PKNOX1: variants seen among roughly 807,000 people sequenced by gnomAD.
The protein encoded by PKNOX1 is PBX/knotted 1 homeobox 1, also known as homeobox protein PKNOX1.
In PKNOX1, 15 loss-of-function variants were observed where a neutral mutation model predicts 51.9. The observed-to-expected ratio is 0.29, with a 90% CI of 0.19 to 0.45. The LOEUF is 0.45. Among genes scored for constraint, PKNOX1 ranks in the 20% least tolerant of loss-of-function variants. The pLI, the probability that PKNOX1 is intolerant of heterozygous loss-of-function variation, is 1.00. For synonymous variants in PKNOX1, 219 were observed against 211.1 expected, an observed-to-expected ratio of 1.04 and a Z score of -0.32; for missense variants, 462 against 547.5, an observed-to-expected ratio of 0.84 and a Z score of 1.56.
intron 5 of PKNOX1, 88 bp from the exon 6 acceptor site, chr21:43,016,820 G>A: frequency 3.9e-6 from 3 of 759,856 alleles, no homozygotes; most frequent in Non-Finnish European, 6.3e-6. Flanking sequence ...CTTTTTTAAT[G>A]GTGTCATTAT....
chr21:43,022,890 A>G (rs1340259142), intron 8 of PKNOX1, among the ~76,000 whole-genome samples: 3 of 152,172 alleles, frequency 2.0e-5, no homozygotes, highest in Non-Finnish European at 1.5e-5. Context: ...ATTTACACAC[A>G]TTGCGATTAT....
At chr21:43,023,138 C>G (rs1979836028) in intron 8 of PKNOX1, among the ~76,000 whole-genome samples, 1 of 151,964 alleles carries the variant, frequency 6.6e-6, no homozygotes. Flanking sequence ...TCTGGGGCAG[C>G]ATCTCTGGCT....
At chr21:43,018,073 A>C in intron 6 of PKNOX1, 60 bp from the exon 7 acceptor site, 1 of 813,632 alleles carries the variant, frequency 1.2e-6, no homozygotes, top group Non-Finnish European at 2.0e-6. Context: ...AAAAAAAAGA[A>C]GAATGGTTTA....
At chr21:43,007,443 C>T (rs1568897079) in intron 2 of PKNOX1, 48 bp from the exon 3 acceptor site, 8 of 1,588,950 alleles carry the variant, frequency 5.0e-6, no homozygotes, top group East Asian at 4.5e-5. Flanking sequence ...TGGAATACCT[C>T]GTAGTAGTTT....
intron 1 of PKNOX1, among the ~76,000 whole-genome samples, chr21:42,992,008 C>T (rs974776410): frequency 3.3e-5 from 5 of 152,222 alleles, no homozygotes; most frequent in African/African-American, 1.2e-4. Flanking sequence ...AAATAAGCCA[C>T]AGGACATCAC....
chr21:43,027,903 G>A (rs892234403), intron 9 of PKNOX1, among the ~76,000 whole-genome samples: 53 of 150,772 alleles, frequency 3.5e-4, no homozygotes, highest in African/African-American at 1.3e-3. Context: ...GCGACAGGGC[G>A]AGACTCCATC....
At chr21:43,018,300 C>G (rs1006805581) in intron 7 of PKNOX1, 70 bp downstream of exon 7, 4 of 928,878 alleles carry the variant, frequency 4.3e-6, no homozygotes, top group Non-Finnish European at 3.5e-6. Context: ...GTAGAACAAG[C>G]ATGAGCCCTT....
Position 43,030,022 on chromosome 21 carries a change from G to A in PKNOX1, c.1232G>A (p.Ser411Asn). The A allele has an allele frequency of 6.2e-7, 1 of 1,614,002 alleles. No individual in the cohort carries two copies. The highest frequency in any genetic ancestry group is 1.1e-5 in the South Asian group (1 of 91,086). The change falls in exon 11 of 11, where the codon AGC (serine) becomes AAC (asparagine). Residue 411 changes from serine to asparagine, a missense_variant. Around this residue, in one of 5 missense-constraint regions of PKNOX1, gnomAD observed 118 missense variants for 116.8 expected, o/e 1.01. Coordinates refer to ENST00000291547, the MANE Select transcript of PKNOX1 (RefSeq NM_004571.5). Reference protein sequence around the residue: ...AGQSEDESVDSTEEDAGALAP... With the variant: ...AGQSEDESVDNTEEDAGALAP... ...CAGAGCGAGGACGAGTCTGTGGACA[G>A]CACAGAGGAGGATGCGGGTGCCCTG...
rs192230818 is a variant in PKNOX1 at position 43,003,255 on chromosome 21, C to T, written c.-56-1071C>T. Among the ~76,000 whole-genome samples, 806 of 152,318 alleles carry T rather than the reference C, an allele frequency of 5.3e-3. 5 individuals carry two copies. Among genetic ancestry groups the T allele is most frequent in the African/African-American group, 0.018 (759 of 41,578 alleles). On this transcript the variant is annotated intron_variant, in intron 1 of 10. Transcript: ENST00000291547. ...TGCACCAGCAGCAGCAAGGCCATGCCGGCCGTGGTCCAGCCCGGCTGCTCT... is the reference window on the plus strand; with the variant it reads ...TGCACCAGCAGCAGCAAGGCCATGCTGGCCGTGGTCCAGCCCGGCTGCTCT...
At chr21:42,998,171 G>T (rs1468332987) in intron 1 of PKNOX1, among the ~76,000 whole-genome samples, 1 of 152,212 alleles carries the variant, frequency 6.6e-6, no homozygotes, top group East Asian at 1.9e-4. Context: ...ACAAGGAAGA[G>T]CAAGTCATGT....
Position 43,030,342 on chromosome 21 carries a change from C to T in PKNOX1, c.*241C>T, listed in dbSNP as rs191844776. On this transcript the variant is annotated 3_prime_UTR_variant, in exon 11 of 11. Coordinates refer to ENST00000291547, the MANE Select transcript of PKNOX1 (RefSeq NM_004571.5). The stretch of plus-strand genomic sequence containing the variant: ...TTAAAGAAATTCTTTAAAGGTTTAA[C>T]GCTAGATTGTGAGGAATGACACACC... 2.0e-4 allele frequency: 69 copies of T among 346,452 alleles called. No individual in the cohort carries two copies. Among genetic ancestry groups the T allele is most frequent in the Middle Eastern group, 7.9e-4 (1 of 1,262 alleles). 21.5% of individuals were successfully genotyped at this position (346,452 alleles called of 1,614,324 possible).
intron 7 of PKNOX1, chr21:43,020,433 G>T (rs1331017447): frequency 6.6e-6 from 1 of 152,250 alleles, no homozygotes; most frequent in Non-Finnish European, 1.5e-5. Context: ...GTAACGAGCA[G>T]ATCTTCTCTC....
chr21:43,018,045 T>TATAAA, intron 6 of PKNOX1, 88 bp from the exon 7 acceptor site: 1 of 296,882 alleles, frequency 3.4e-6, no homozygotes, highest in South Asian at 2.8e-5. Flanking sequence ...TCCCTGTCTC[T>TATAAA]ACAAAAAAAA....
intron 1 of PKNOX1, among the ~76,000 whole-genome samples, chr21:42,982,720 A>C (rs1389229572): frequency 8.5e-6 from 1 of 117,934 alleles, no homozygotes; most frequent in Non-Finnish European, 1.8e-5. Context: ...AACAAGAGCG[A>C]AACTCCATCT....
chr21:42,998,391 C>CCCAGGGG (rs1978603453), intron 1 of PKNOX1, among the ~76,000 whole-genome samples: 1 of 152,144 alleles, frequency 6.6e-6, no homozygotes, highest in Non-Finnish European at 1.5e-5. Context: ...CCAACCATAT[C>CCCAGGGG]ATTGTGCCCC....
chr21:42,986,707 C>T (rs2059053957), intron 1 of PKNOX1, among the ~76,000 whole-genome samples: 1 of 152,084 alleles, frequency 6.6e-6, no homozygotes, highest in Admixed American at 6.6e-5. Context: ...TAGTTAGTGT[C>T]CTAAAAGGTG....
intron 1 of PKNOX1, among the ~76,000 whole-genome samples, chr21:42,989,531 G>A (rs1018494738): frequency 3.9e-5 from 6 of 152,044 alleles, no homozygotes; most frequent in African/African-American, 1.2e-4. Context: ...ATTCTCTCAA[G>A]TCTCAGCCTC....
In PKNOX1 at chr21:43,024,887, A is replaced by T. The variant is rs1979924560; in HGVS notation, c.866A>T (p.Glu289Val). Residue 289 changes from glutamate to valine, a missense_variant, in exon 9 of 11, where the codon GAG becomes GTG. Physicochemically the swap from Glu to Val is moderately radical, Grantham distance 121. Coordinates refer to ENST00000291547, the MANE Select transcript of PKNOX1 (RefSeq NM_004571.5). Reference sequence around the variant, plus strand: ...TATTTTCAGCATCCCTACCCAACAGAGGATGAGAAAAAACAGATTGCTGCT... The same window carrying T: ...TATTTTCAGCATCCCTACCCAACAGTGGATGAGAAAAAACAGATTGCTGCT... ...FQHIGHPYPT[E>V]DEKKQIAAQT... The T allele has an allele frequency of 6.2e-7, 1 of 1,610,090 alleles. No individual in the cohort carries two copies. Among genetic ancestry groups the T allele is most frequent in the Non-Finnish European group, 8.5e-7 (1 of 1,176,496 alleles).
rs1555865508 is a variant in PKNOX1 at position 43,030,292 on chromosome 21, T to TGTGC, written c.*192_*193insTGCG. On this transcript the variant is annotated 3_prime_UTR_variant, in exon 11 of 11. Transcript: ENST00000291547. The stretch of plus-strand genomic sequence containing the variant: ...GTGTGTGTGTGTGTGTGTGTGTGTG[T>TGTGC]GCGTGTGTGCGTGTGTGTGGATTTT... 1.2e-5 allele frequency: 5 copies of TGTGC among 421,048 alleles called. No individual in the cohort carries two copies. Among genetic ancestry groups the TGTGC allele is most frequent in the South Asian group, 1.0e-4 (2 of 19,212 alleles). 26.1% of individuals were successfully genotyped at this position (421,048 alleles called of 1,614,324 possible).
Sources: allele counts gnomAD v4.1 joint callset (sites outside exome capture counted in the v4.1 genomes callset), GRCh38; gene constraint gnomAD v4.1.1; regional missense constraint gnomAD v4.1.1; transcripts MANE v1.5; gene names NCBI Gene and HGNC (gene_info 2026-07-23, HGNC 2026-07-21).